Variants in DIS3L2 observed in about 807,000 individuals in gnomAD.
DIS3L2 encodes the protein DIS3 like 3'-5' exoribonuclease 2.
In DIS3L2, 34 loss-of-function variants were observed where a neutral mutation model predicts 97.5. The ratio of observed to expected loss-of-function variants is 0.35; its 90% CI spans 0.27 to 0.46. DIS3L2 has a LOEUF of 0.46. Ranked by LOEUF, DIS3L2 falls within the 20% of genes least tolerant of loss-of-function variation. DIS3L2 has a pLI of 1.00. For synonymous variants in DIS3L2, 435 were observed against 445.2 expected (o/e 0.98, Z 0.29); for missense variants, 1,038 against 1,146.0 (o/e 0.91, Z 1.36).
At chr2:231,998,898 G>T (rs1693800425) in intron 1 of DIS3L2, among the ~76,000 whole-genome samples, 2 of 152,072 alleles carry the variant, frequency 1.3e-5, no homozygotes, top group African/African-American at 2.4e-5. Flanking sequence ...ATATTTAAAT[G>T]ATCATATATT....
At chr2:232,327,329 A>G (rs920638682) in intron 14 of DIS3L2, among the ~76,000 whole-genome samples, 2 of 152,300 alleles carry the variant, frequency 1.3e-5, no homozygotes, top group African/African-American at 4.8e-5. Flanking sequence ...CTAAGGCTAC[A>G]CTTGTCCCTC....
rs1312839211 is a variant in DIS3L2, at chr2:232,142,655, C to G, written c.950+5936C>G. On this transcript the variant is annotated intron_variant, in intron 8 of 20. Coordinates refer to ENST00000325385, the MANE Select transcript of DIS3L2 (RefSeq NM_152383.5). ...TTCTCCATGCTTTTATCTATTTTCA[C>G]TGATAAAAACACCGTTCCTGAAGTC... Among the ~76,000 whole-genome samples the G allele has an allele frequency of 7.2e-5, 11 of 152,242 alleles. No homozygotes were observed. In the East Asian group the frequency reaches 2.1e-3, roughly 29 times the overall value.
intron 10 of DIS3L2, among the ~76,000 whole-genome samples, chr2:232,221,460 G>A (rs746407167): frequency 3.3e-4 from 50 of 152,266 alleles, no homozygotes; most frequent in African/African-American, 1.1e-3. Context: ...TAAAATCTGC[G>A]CTTTGTATTT....
At chr2:232,333,133 ACCTCCTCCTTCCACCACCTCCTCCTTCT>A (rs1166937222) in intron 16 of DIS3L2, among the ~76,000 whole-genome samples, 2 of 136,902 alleles carry the variant, frequency 1.5e-5, no homozygotes, top group Non-Finnish European at 3.2e-5. Flanking sequence ...GACCACCACC[ACCTCCTCCTTCCACCACCTCCTCCTTCT>A]CCTCCTCCGC....
At chr2:232,208,108 T>A (rs914902213) in intron 9 of DIS3L2, among the ~76,000 whole-genome samples, 1 of 152,228 alleles carries the variant, frequency 6.6e-6, no homozygotes, top group African/African-American at 2.4e-5. Flanking sequence ...AAAATTGACC[T>A]TCTTTTGCTG....
intron 9 of DIS3L2, among the ~76,000 whole-genome samples, chr2:232,197,021 A>G (rs1207797572): frequency 1.3e-5 from 2 of 152,134 alleles, no homozygotes; most frequent in Admixed American, 6.6e-5. Flanking sequence ...TTGCATTTGC[A>G]TTTTAGCCTG....
At chr2:232,100,842 C>T (rs1013455362) in intron 6 of DIS3L2, among the ~76,000 whole-genome samples, 1 of 129,220 alleles carries the variant, frequency 7.7e-6, no homozygotes, top group Admixed American at 7.6e-5. Context: ...TATATATCTC[C>T]ACAAATTTGA....
intron 9 of DIS3L2, among the ~76,000 whole-genome samples, chr2:232,169,197 G>T (rs186301426): frequency 6.9e-4 from 105 of 152,266 alleles, no homozygotes; most frequent in African/African-American, 2.4e-3. Context: ...AAAGAAGTAA[G>T]ATTGAGTCCC....
intron 13 of DIS3L2, among the ~76,000 whole-genome samples, chr2:232,291,578 TG>T (rs1694598912): frequency 6.6e-6 from 1 of 152,234 alleles, no homozygotes; most frequent in South Asian, 2.1e-4. Flanking sequence ...ACTAGCAGAT[TG>T]AAGCAAATTC....
chr2:232,228,605 A>G (rs12466581), intron 10 of DIS3L2, among the ~76,000 whole-genome samples: 8,075 of 152,110 alleles, frequency 0.053, 772 homozygotes, highest in East Asian at 0.42. Flanking sequence ...AGTCACCATA[A>G]TCCACCAGGA....
chr2:232,205,024 T>C (rs1208872225), intron 9 of DIS3L2, among the ~76,000 whole-genome samples: 1 of 152,112 alleles, frequency 6.6e-6, no homozygotes, highest in African/African-American at 2.4e-5. Flanking sequence ...GCTGCTACAG[T>C]AGAAATACTT....
At chr2:232,287,252 G>A (rs1322742997) in intron 13 of DIS3L2, among the ~76,000 whole-genome samples, 1 of 152,078 alleles carries the variant, frequency 6.6e-6, no homozygotes, top group Non-Finnish European at 1.5e-5. Flanking sequence ...TTAACATTGT[G>A]TCTAGTTTCT....
intron 20 of DIS3L2, 160 bp from the exon 21 acceptor site, chr2:232,336,309 G>T: frequency 6.5e-7 from 1 of 1,547,350 alleles, no homozygotes; most frequent in Non-Finnish European, 8.7e-7. Context: ...CCCTGACCCA[G>T]GGCATTCTTC....
At chr2:232,023,349 C>T (rs1694573251) in intron 3 of DIS3L2, among the ~76,000 whole-genome samples, 1 of 152,138 alleles carries the variant, frequency 6.6e-6, no homozygotes, top group South Asian at 2.1e-4. Flanking sequence ...TGGTACAGTG[C>T]AGAAGGAAAT....
At chr2:232,272,854 A>G (rs1035301283) in intron 13 of DIS3L2, among the ~76,000 whole-genome samples, 5 of 152,138 alleles carry the variant, frequency 3.3e-5, no homozygotes, top group African/African-American at 1.2e-4. Context: ...ACCAGTGGCT[A>G]ATGCTTCTGC....
At chr2:232,341,694 A>G (rs974089252), downstream of DIS3L2, among the ~76,000 whole-genome samples, 1 of 152,182 alleles carries the variant, frequency 6.6e-6, no homozygotes, top group African/African-American at 2.4e-5. Context: ...AGATGACTGT[A>G]AACTCTCTTT....
chr2:232,089,736 G>GA lies in DIS3L2; in HGVS notation c.601+2017dup, dbSNP rs535047654. On this transcript the variant is annotated intron_variant, in intron 6 of 20. Coordinates refer to ENST00000325385, the MANE Select transcript of DIS3L2 (RefSeq NM_152383.5). Reference sequence around the variant, plus strand: ...GCCTCTTTTCCTCTGGGCTCCAAGTGAAGGGATAAGACACATTGATCTCTC... The same window carrying GA: ...GCCTCTTTTCCTCTGGGCTCCAAGTGAAAGGGATAAGACACATTGATCTCTC... Among the ~76,000 whole-genome samples, 46 of 152,312 alleles carry GA rather than the reference G, an allele frequency of 3.0e-4. No individual in the cohort carries two copies. In the South Asian group the frequency reaches 7.0e-3, roughly 23 times the overall value.
rs1694277125 is a variant in DIS3L2, at chr2:232,281,245, A to C, written c.1659+17805A>C. 2.0e-5 allele frequency among the ~76,000 whole-genome samples: 3 copies of C among 152,242 alleles called. No individual in the cohort carries two copies. In the Middle Eastern group the frequency reaches 0.01, roughly 518 times the overall value. On this transcript the variant is annotated intron_variant, in intron 13 of 20. Coordinates refer to ENST00000325385, the MANE Select transcript of DIS3L2 (RefSeq NM_152383.5). The surrounding 1 kb of genome is among the most constrained non-coding windows in gnomAD (Gnocchi z 4.1). ...AAACCCCATCTCTACTAAAAATACA[A>C]AAAATTAGCCGGGCGTGGTGGCGGG...
chr2:232,082,931 C>T (rs945213903), intron 5 of DIS3L2, among the ~76,000 whole-genome samples: 4 of 152,094 alleles, frequency 2.6e-5, no homozygotes, highest in Admixed American at 6.5e-5. Context: ...GCCTTCCAGT[C>T]GTGGCAGAAG....
Sources: allele counts gnomAD v4.1 joint callset (sites outside exome capture counted in the v4.1 genomes callset), GRCh38; gene constraint gnomAD v4.1.1; non-coding constraint Gnocchi (gnomAD v3.1); transcripts MANE v1.5; gene names NCBI Gene and HGNC (gene_info 2026-07-23, HGNC 2026-07-21).